The following CACNA1A variants were observed in gnomAD, a reference collection of about 807,000 sequenced individuals.
The protein encoded by CACNA1A is voltage-dependent P/Q-type calcium channel subunit alpha-1A.
A neutral mutation model predicts 262.4 loss-of-function variants in CACNA1A; 57 were observed. That is an observed-to-expected ratio of 0.22 (90% CI 0.18 to 0.27). The LOEUF is 0.27. CACNA1A is among the 10% of genes least tolerant of loss of function. The pLI is 1.00. For missense variants in CACNA1A, 2,526 were observed against 3,562.8 expected, an observed-to-expected ratio of 0.71 and a Z score of 7.41; for synonymous variants, 1,431 against 1,419.3, an observed-to-expected ratio of 1.01 and a Z score of -0.18.
intron 6 of CACNA1A, among the ~76,000 whole-genome samples, chr19:13,340,697 GATTAC>G (rs2058664172): frequency 6.6e-6 from 1 of 152,154 alleles, no homozygotes; most frequent in Non-Finnish European, 1.5e-5. Context: ...AAAGTGCTGG[GATTAC>G]AGGTGTGAGC....
At chr19:13,235,397 TC>T in intron 32 of CACNA1A, 123 bp from the exon 33 acceptor site, 1 of 978,238 alleles carries the variant, frequency 1.0e-6, no homozygotes, top group Non-Finnish European at 1.6e-6. Context: ...CCAGAGTCCT[TC>T]CAGGGCTGGT....
At chr19:13,488,043 G>A (rs1306002141) in intron 1 of CACNA1A, among the ~76,000 whole-genome samples, 1 of 152,060 alleles carries the variant, frequency 6.6e-6, no homozygotes, top group African/African-American at 2.4e-5. Context: ...GCGTCCCAAA[G>A]TGCTAGGATT....
chr19:13,286,217 C>G (rs1283305657), intron 20 of CACNA1A, among the ~76,000 whole-genome samples: 1 of 152,144 alleles, frequency 6.6e-6, no homozygotes, highest in Non-Finnish European at 1.5e-5. Flanking sequence ...TCAGAGGACC[C>G]TATTGCTCCT....
rs939116102 is a variant in CACNA1A at position 13,290,603 on chromosome 19, G to C, written c.3090-3637C>G. Among the ~76,000 whole-genome samples the C allele has an allele frequency of 2.0e-5, 3 of 151,750 alleles. No individual in the cohort carries two copies. In the East Asian group the frequency reaches 5.8e-4, roughly 30 times the overall value. ...TTTTTATTAATTTTTGTAGAGACAG[G>C]GTCTCACTATGTTGTTCAGGCTGGT... On this transcript the variant is annotated intron_variant, in intron 19 of 46. Coordinates refer to ENST00000360228, the MANE Select transcript of CACNA1A (RefSeq NM_001127222.2).
chr19:13,411,823 T>C (rs548996038), intron 3 of CACNA1A, among the ~76,000 whole-genome samples: 1 of 152,210 alleles, frequency 6.6e-6, no homozygotes, highest in South Asian at 2.1e-4. Flanking sequence ...ATGATCCTCC[T>C]GCTTCACTGT....
At chr19:13,234,350 C>CCA (rs1292544280) in intron 34 of CACNA1A, among the ~76,000 whole-genome samples, 1 of 71,244 alleles carries the variant, frequency 1.4e-5, no homozygotes, top group African/African-American at 5.8e-5. Context: ...ACTCCATCTC[C>CCA]AAAAAAAAAA....
chr19:13,376,686 CATAAT>C (rs1212981791), intron 3 of CACNA1A, among the ~76,000 whole-genome samples: 7 of 146,870 alleles, frequency 4.8e-5, no homozygotes, highest in African/African-American at 1.5e-4. Context: ...ATACACTACA[CATAAT>C]ATATGTTACA....
chr19:13,501,259 C>A (rs2145173291), intron 1 of CACNA1A, among the ~76,000 whole-genome samples: 1 of 151,242 alleles, frequency 6.6e-6, no homozygotes, highest in African/African-American at 2.4e-5. Flanking sequence ...CTCACTGCAA[C>A]CTCTGCCTCC....
chr19:13,241,962 A>G lies in CACNA1A; in HGVS notation c.4950+3220T>C, dbSNP rs1414277944. On this transcript the variant is annotated intron_variant, in intron 31 of 46. Coordinates refer to ENST00000360228, the MANE Select transcript of CACNA1A (RefSeq NM_001127222.2). This position sits in a 1 kb window ranked among gnomAD's most constrained non-coding sequence, Gnocchi z 4.0. ...CTAAACCCCAGGGACCTGCCCGCCC[A>G]AGCATCTGGCATTTCCTGTCTCAGC... is the stretch of plus-strand genomic sequence containing the variant. Among the ~76,000 whole-genome samples the G allele has an allele frequency of 6.6e-6, 1 of 152,014 alleles. No individual in the cohort carries two copies. The highest frequency in any genetic ancestry group is 1.5e-5 in the Non-Finnish European group (1 of 67,972).
chr19:13,423,510 CTTTTCTTT>C, intron 3 of CACNA1A, among the ~76,000 whole-genome samples: 1 of 152,000 alleles, frequency 6.6e-6, no homozygotes, highest in African/African-American at 2.4e-5. Context: ...CTTTTCTTTT[CTTTTCTTT>C]TTTTCTTTTT....
chr19:13,490,258 G>A (rs1029902885), intron 1 of CACNA1A, among the ~76,000 whole-genome samples: 1 of 152,138 alleles, frequency 6.6e-6, no homozygotes, highest in African/African-American at 2.4e-5. Context: ...TATAGATGAC[G>A]AAACAGAGTG....
chr19:13,217,228 A>G (rs2055045609), intron 38 of CACNA1A, among the ~76,000 whole-genome samples: 1 of 83,350 alleles, frequency 1.2e-5, no homozygotes, highest in South Asian at 4.6e-4. Context: ...AAACAGATGG[A>G]CAGGGAAGAG....
chr19:13,312,786 A>G lies in CACNA1A; in HGVS notation c.1556-5T>C, dbSNP rs776014680. On this transcript the variant is annotated splice_region_variant and splice_polypyrimidine_tract_variant and intron_variant, in intron 11 of 46. Transcript: ENST00000360228. ...AGAAAATGAATTCTGCATAGTCTAG[A>G]AGGGAGAAGGAGGAAACAGAGAGGA... is the stretch of plus-strand genomic sequence containing the variant. 6.8e-7 allele frequency: 1 copy of G among 1,464,404 alleles called. No homozygotes were observed. The highest frequency in any genetic ancestry group is 9.3e-7 in the Non-Finnish European group (1 of 1,073,272). The allele number at this position is 1,464,404 out of a possible 1,614,324, so 90.7% of individuals were successfully genotyped here. A position where few individuals can be genotyped will look rare whatever the true frequency, so the allele number is the denominator to read the frequency against.
At chr19:13,358,215 T>C (rs2059041216) in intron 6 of CACNA1A, among the ~76,000 whole-genome samples, 2 of 152,180 alleles carry the variant, frequency 1.3e-5, no homozygotes, top group African/African-American at 4.8e-5. Context: ...TTTCTCTTAA[T>C]GGCAAACAAA....
At chr19:13,323,776 C>A (rs981617329) in intron 10 of CACNA1A, among the ~76,000 whole-genome samples, 2 of 152,106 alleles carry the variant, frequency 1.3e-5, no homozygotes, top group Non-Finnish European at 2.9e-5. Flanking sequence ...TAGTTTGATA[C>A]GATCCCATTT....
intron 1 of CACNA1A, among the ~76,000 whole-genome samples, chr19:13,503,128 A>G (rs1470870184): frequency 6.6e-6 from 1 of 152,218 alleles, no homozygotes; most frequent in Non-Finnish European, 1.5e-5. Context: ...AATGCCCATC[A>G]ACAGTAGAAT....
rs199745070 is a variant in CACNA1A at position 13,286,701 on chromosome 19, C to T, written c.3355G>A (p.Ala1119Thr). ...IPAMATNPQN[A>T]ASRRTPNNPG... ...TTGTTGGGCGTCCGGCGGCTGGCGG[C>T]GTTCTGGGGGTTGGTGGCCATGGCA... The change falls in exon 20 of 47, where the codon GCC (alanine) becomes ACC (threonine). Residue 1119 changes from alanine (A) to threonine (T), a missense_variant. Ala to Thr is a moderately conservative substitution (Grantham distance 58). Around this residue, in one of 17 missense-constraint regions of CACNA1A, gnomAD observed 765 missense variants for 748.6 expected, o/e 1.02. Transcript: ENST00000360228. 220 of 1,580,726 alleles carry T rather than the reference C, an allele frequency of 1.4e-4. 1 individual carries two copies. The African/African-American group carries it at 2.4e-3, about 17-fold the overall frequency.
chr19:13,423,762 G>A (rs1193395425), intron 3 of CACNA1A, among the ~76,000 whole-genome samples: 3 of 151,988 alleles, frequency 2.0e-5, no homozygotes, highest in Non-Finnish European at 4.4e-5. Flanking sequence ...TGATCCACCT[G>A]CCTCAGCCTC....
intron 6 of CACNA1A, among the ~76,000 whole-genome samples, chr19:13,356,233 T>C (rs1164694547): frequency 6.6e-6 from 1 of 152,210 alleles, no homozygotes; most frequent in Non-Finnish European, 1.5e-5. Context: ...GGAATTTGAC[T>C]TACACGGAGG....
Sources: allele counts gnomAD v4.1 joint callset (sites outside exome capture counted in the v4.1 genomes callset), GRCh38; gene constraint gnomAD v4.1.1; regional missense constraint gnomAD v4.1.1; non-coding constraint Gnocchi (gnomAD v3.1); transcripts MANE v1.5; gene names NCBI Gene and HGNC (gene_info 2026-07-23, HGNC 2026-07-21).